TDRD15: variants seen among roughly 807,000 people sequenced by gnomAD.
TDRD15 encodes the protein tudor domain-containing protein 15.
For missense variants in TDRD15, 1,416 were observed against 904.7 expected (o/e 1.57, Z -7.25); for synonymous variants, 503 against 314.5 (o/e 1.60, Z -6.34).
At chr2:21,135,045 T>TTA (rs1381995518) in intron 3 of TDRD15, among the ~76,000 whole-genome samples, 198 bp downstream of exon 3, 2 of 145,438 alleles carry the variant, frequency 1.4e-5, no homozygotes, top group South Asian at 2.1e-4. Flanking sequence ...TATACACAAT[T>TTA]TATATATATA....
Position 21,143,085 on chromosome 2 carries a change from T to A in TDRD15, c.5618T>A (p.Leu1873Gln). Residue 1873 changes from leucine to glutamine, a missense_variant, in exon 4 of 4, where the codon CTA (leucine) becomes CAA (glutamine). By Grantham distance (113) the Leu-to-Gln change is moderately radical (BLOSUM62 -2). Coordinates refer to ENST00000405799, the MANE Select transcript of TDRD15 (RefSeq NM_001306137.2). ...EEAKIFFRDF[L>Q]SKPDLVFQFR... ...GCCAAAATCTTTTTTCGAGATTTCC[T>A]AAGTAAACCAGACTTAGTTTTTCAG... 1.4e-6 allele frequency: 1 copy of A among 694,098 alleles called. No homozygotes were observed. The highest frequency in any genetic ancestry group is 1.6e-5 in the South Asian group (1 of 62,674). 43.0% of individuals were successfully genotyped at this position (694,098 alleles called of 1,614,324 possible).
downstream of TDRD15, among the ~76,000 whole-genome samples, chr2:21,144,861 C>A (rs1439105966): frequency 1.3e-5 from 2 of 151,906 alleles, no homozygotes; most frequent in East Asian, 3.9e-4. Flanking sequence ...AATTGGCTTA[C>A]CAATAATGAA....
At position 21,142,097 on chromosome 2, in the gene TDRD15, G is replaced by T. The variant is rs1044613953; in HGVS notation, c.4630G>T (p.Val1544Leu). Residue 1544 changes from valine (V) to leucine (L), a missense_variant, in exon 4 of 4, where the codon GTG becomes TTG. By Grantham distance (32) the Val-to-Leu change is conservative (BLOSUM62 1). Coordinates refer to ENST00000405799, the MANE Select transcript of TDRD15 (RefSeq NM_001306137.2). ...TGTTTCAAAAAGTGGAAGATTTTAT[G>T]TGAAGTTATCCAAAAATAAAAAAAT... The part of the protein sequence containing the change: ...LNVSKSGRFY[V>L]KLSKNKKILS... The T allele has an allele frequency of 4.4e-6, 3 of 687,598 alleles. No homozygotes were observed. The highest frequency in any genetic ancestry group is 8.0e-6 in the Non-Finnish European group (3 of 377,018). The allele number at this position is 687,598 out of a possible 1,614,324, so 42.6% of individuals were successfully genotyped here. A position where few individuals can be genotyped will look rare whatever the true frequency, so the allele number is the denominator to read the frequency against.
chr2:21,135,775 G>A (rs1665796338), intron 3 of TDRD15, among the ~76,000 whole-genome samples: 1 of 152,016 alleles, frequency 6.6e-6, no homozygotes, highest in South Asian at 2.1e-4. Context: ...CTGGCATTAA[G>A]TGAGAGCCAT....
chr2:21,125,994 TTGTGCATGTGTG>T (rs1239715168), intron 1 of TDRD15, among the ~76,000 whole-genome samples: 1 of 151,758 alleles, frequency 6.6e-6, no homozygotes, highest in Non-Finnish European at 1.5e-5. Context: ...AACATTCAGG[TTGTGCATGTGTG>T]TGTGTATGTG....
At chr2:21,130,688 T>C (rs556372164) in intron 2 of TDRD15, among the ~76,000 whole-genome samples, 2 of 152,288 alleles carry the variant, frequency 1.3e-5, no homozygotes, top group Non-Finnish European at 2.9e-5. Context: ...AATGTTTACC[T>C]TTTTCAGTGT....
downstream of TDRD15, among the ~76,000 whole-genome samples, chr2:21,145,687 A>G (rs1666019792): frequency 6.6e-6 from 1 of 152,038 alleles, no homozygotes; most frequent in Non-Finnish European, 1.5e-5. Context: ...CTATAATCAT[A>G]GCCTTAAAAC....
At chr2:21,132,423 G>A (rs560449902) in intron 2 of TDRD15, among the ~76,000 whole-genome samples, 1 of 152,070 alleles carries the variant, frequency 6.6e-6, no homozygotes, top group Non-Finnish European at 1.5e-5. Flanking sequence ...AAGGCTAAAA[G>A]ACTAGTGAGG....
In TDRD15 at chr2:21,142,070, A is replaced by G; in HGVS notation, c.4603A>G (p.Asn1535Asp). The G allele has an allele frequency of 1.4e-6, 1 of 697,386 alleles. No individual in the cohort carries two copies. Among genetic ancestry groups the G allele is most frequent in the Non-Finnish European group, 2.6e-6 (1 of 379,418 alleles). The allele number at this position is 697,386 out of a possible 1,614,324, so 43.2% of individuals were successfully genotyped here. A position where few individuals can be genotyped will look rare whatever the true frequency, so the allele number is the denominator to read the frequency against. Residue 1535 changes from asparagine to aspartate, a missense_variant, in exon 4 of 4, where the codon AAT becomes GAT. Physicochemically the swap from Asn to Asp is conservative, Grantham distance 23. Transcript: ENST00000405799. Reference sequence around the variant, plus strand: ...ACAACTTGAAAAAGCTGAAATGCTTAATGTTTCAAAAAGTGGAAGATTTTA... The same window carrying G: ...ACAACTTGAAAAAGCTGAAATGCTTGATGTTTCAAAAAGTGGAAGATTTTA... ...LGQLEKAEML[N>D]VSKSGRFYVK...
intron 2 of TDRD15, among the ~76,000 whole-genome samples, chr2:21,129,086 G>A (rs1164817809): frequency 6.6e-6 from 1 of 152,050 alleles, no homozygotes; most frequent in Non-Finnish European, 1.5e-5. Flanking sequence ...AGAGGTGCAC[G>A]TTACCATGCC....
chr2:21,124,608 C>T (rs1336663146), intron 1 of TDRD15, among the ~76,000 whole-genome samples: 1 of 120,692 alleles, frequency 8.3e-6, no homozygotes, highest in Admixed American at 9.0e-5. Flanking sequence ...GTGAGAGAAA[C>T]CCTAATGTCA....
intron 2 of TDRD15, among the ~76,000 whole-genome samples, chr2:21,133,207 G>A (rs562933492): frequency 6.6e-6 from 1 of 152,318 alleles, no homozygotes; most frequent in South Asian, 2.1e-4. Flanking sequence ...GAAAAGATGG[G>A]AGGAGGAAAA....
At chr2:21,132,266 C>A (rs1665733712) in intron 2 of TDRD15, among the ~76,000 whole-genome samples, 1 of 151,816 alleles carries the variant, frequency 6.6e-6, no homozygotes, top group South Asian at 2.1e-4. Flanking sequence ...CTTCATAAAG[C>A]CATTTTTGAT....
chr2:21,138,251 A>G lies in TDRD15; in HGVS notation c.784A>G (p.Lys262Glu). 1 of 716,152 alleles carries G rather than the reference A, an allele frequency of 1.4e-6. No homozygotes were observed. Among genetic ancestry groups the G allele is most frequent in the Non-Finnish European group, 2.6e-6 (1 of 384,302 alleles). The allele number at this position is 716,152 out of a possible 1,614,324, so 44.4% of individuals were successfully genotyped here. ...SPSKFYCQLI[K>E]WTPELENLTA... ...AAGTAAATTTTATTGTCAGTTAATT[A>G]AATGGACTCCAGAGCTAGAAAACTT... The change falls in exon 4 of 4, where the codon AAA (lysine) becomes GAA (glutamate). Residue 262 changes from lysine (K) to glutamate (E), a missense_variant. By Grantham distance (56) the Lys-to-Glu change is moderately conservative (BLOSUM62 1). Coordinates refer to ENST00000405799, the MANE Select transcript of TDRD15 (RefSeq NM_001306137.2).
At chr2:21,134,052 A>G (rs980279080) in intron 2 of TDRD15, among the ~76,000 whole-genome samples, 10 of 151,898 alleles carry the variant, frequency 6.6e-5, no homozygotes, top group Admixed American at 5.9e-4. Flanking sequence ...TTGTGTTTCT[A>G]GTGGACTTTA....
chr2:21,144,485 T>C (rs1210837155), downstream of TDRD15, among the ~76,000 whole-genome samples: 1 of 151,920 alleles, frequency 6.6e-6, no homozygotes, highest in Non-Finnish European at 1.5e-5. Flanking sequence ...CTAGATGTTT[T>C]ATAGTGAATT....
intron 2 of TDRD15, among the ~76,000 whole-genome samples, chr2:21,132,466 T>A (rs1256622873): frequency 6.6e-6 from 1 of 152,050 alleles, no homozygotes; most frequent in African/African-American, 2.4e-5. Flanking sequence ...GGGAAGATAG[T>A]TTAGGCCAGG....
At chr2:21,135,627 T>A (rs1367170734) in intron 3 of TDRD15, among the ~76,000 whole-genome samples, 1 of 152,074 alleles carries the variant, frequency 6.6e-6, no homozygotes, top group Non-Finnish European at 1.5e-5. Context: ...AATTTCTTCT[T>A]TAGGCAAAGT....
downstream of TDRD15, among the ~76,000 whole-genome samples, chr2:21,146,203 C>G (rs750447431): frequency 1.3e-5 from 2 of 151,892 alleles, no homozygotes; most frequent in Admixed American, 6.6e-5. Flanking sequence ...CCAGACTATA[C>G]CTGATGAGTC....
Sources: allele counts gnomAD v4.1 joint callset (sites outside exome capture counted in the v4.1 genomes callset), GRCh38; gene constraint gnomAD v4.1.1; transcripts MANE v1.5; gene names NCBI Gene and HGNC (gene_info 2026-07-23, HGNC 2026-07-21).